Variants in ZFAT observed in about 807,000 individuals in gnomAD.
ZFAT encodes the protein zinc finger and AT-hook domain containing.
ZFAT carries 64 observed loss-of-function variants against 117.7 expected under a neutral mutation model. That is an observed-to-expected ratio of 0.54 (90% CI 0.44 to 0.67). The LOEUF (loss-of-function observed/expected upper bound fraction) is 0.67, where lower values mean the gene tolerates loss of function less well. ZFAT is among the 30% of genes least tolerant of loss of function. ZFAT has a pLI of 0.00. For synonymous variants in ZFAT, 679 were observed against 615.0 expected (o/e 1.10, Z -1.54); for missense variants, 1,433 against 1,584.5 (o/e 0.90, Z 1.62).
At chr8:134,672,103 G>C (rs145019183) in intron 1 of ZFAT, among the ~76,000 whole-genome samples, 7 of 143,048 alleles carry the variant, frequency 4.9e-5, no homozygotes, top group African/African-American at 1.0e-4. Context: ...GGAAATAAAA[G>C]AGGATACAAA....
rs140529499 is a variant in ZFAT, at chr8:134,611,118, C to T, written c.449-463G>A. ...CAGACCCTGCTCTTGAGGGCCCCACCGTGCAGGGGGAGAGGCAGACATGCA... is the reference window on the plus strand; with the variant it reads ...CAGACCCTGCTCTTGAGGGCCCCACTGTGCAGGGGGAGAGGCAGACATGCA... On this transcript the variant is annotated intron_variant, in intron 3 of 15. Coordinates refer to ENST00000377838, the MANE Select transcript of ZFAT (RefSeq NM_020863.4). Among the ~76,000 whole-genome samples, 713 of 152,336 alleles carry T rather than the reference C, an allele frequency of 4.7e-3. 4 individuals are homozygous for T. The highest frequency in any genetic ancestry group is 0.016 in the African/African-American group (655 of 41,588).
chr8:134,823,373 A>G, the ZFAT span, among the ~76,000 whole-genome samples: 2 of 152,242 alleles, frequency 1.3e-5, no homozygotes, highest in Admixed American at 6.5e-5. Context: ...TTGATTTAAG[A>G]AGCCACTTCA....
chr8:134,584,043 C>T (rs1351247758), intron 9 of ZFAT, 38 bp from the exon 10 acceptor site: 2 of 1,534,992 alleles, frequency 1.3e-6, no homozygotes, highest in Non-Finnish European at 1.8e-6. Flanking sequence ...TATATATTTA[C>T]ATACGTTTAT....
At chr8:134,732,662 A>C in the ZFAT span, among the ~76,000 whole-genome samples, 1 of 152,268 alleles carries the variant, frequency 6.6e-6, no homozygotes, top group African/African-American at 2.4e-5. Context: ...GTTAAAAATT[A>C]GGAGCGTTTC....
intron 5 of ZFAT, among the ~76,000 whole-genome samples, chr8:134,608,241 A>G (rs921402043): frequency 1.3e-5 from 2 of 152,232 alleles, no homozygotes; most frequent in African/African-American, 4.8e-5. Flanking sequence ...AAAAACTTGT[A>G]GAAGCACATG....
chr8:134,770,176 C>T, the ZFAT span, among the ~76,000 whole-genome samples: 20 of 152,294 alleles, frequency 1.3e-4, no homozygotes, highest in East Asian at 3.1e-3. Context: ...AATTTCTCCT[C>T]AGAAAATGGG....
At chr8:134,775,138 A>G in the ZFAT span, among the ~76,000 whole-genome samples, 1 of 152,126 alleles carries the variant, frequency 6.6e-6, no homozygotes, top group Non-Finnish European at 1.5e-5. Context: ...CAAACAAACA[A>G]AAACAACAGA....
At chr8:134,660,943 A>G (rs1320992328) in intron 1 of ZFAT, among the ~76,000 whole-genome samples, 1 of 152,274 alleles carries the variant, frequency 6.6e-6, no homozygotes, top group Non-Finnish European at 1.5e-5. Context: ...ATGAATTTGC[A>G]TTAACACATG....
At chr8:134,621,093 CAG>C (rs1829077494) in intron 3 of ZFAT, among the ~76,000 whole-genome samples, 1 of 151,222 alleles carries the variant, frequency 6.6e-6, no homozygotes, top group Admixed American at 6.6e-5. Context: ...CAAGAGAAAA[CAG>C]AATGTAATTT....
At chr8:134,724,387 G>A in the ZFAT span, among the ~76,000 whole-genome samples, 4 of 152,192 alleles carry the variant, frequency 2.6e-5, no homozygotes, top group Non-Finnish European at 4.4e-5. Context: ...AAGAACGCAT[G>A]CCCCTGATGT....
chr8:134,752,020 T>C, the ZFAT span, among the ~76,000 whole-genome samples: 1 of 152,188 alleles, frequency 6.6e-6, no homozygotes, highest in Non-Finnish European at 1.5e-5. Context: ...ATTTCTTTTT[T>C]TCTCTTCACT....
chr8:134,807,032 A>T, the ZFAT span, among the ~76,000 whole-genome samples: 1 of 152,218 alleles, frequency 6.6e-6, no homozygotes, highest in Non-Finnish European at 1.5e-5. Context: ...TACTTTTAAC[A>T]CATTTTTATA....
the ZFAT span, chr8:134,783,824 G>A: frequency 6.6e-6 from 1 of 152,208 alleles, no homozygotes; most frequent in East Asian, 1.9e-4. Context: ...GGAGATGCAT[G>A]CACAGCACTT....
At chr8:134,674,490 G>A (rs1016575512) in intron 1 of ZFAT, among the ~76,000 whole-genome samples, 2 of 152,234 alleles carry the variant, frequency 1.3e-5, no homozygotes, top group East Asian at 1.9e-4. Context: ...CAGGAAGTTC[G>A]AACTGCATGG....
intron 1 of ZFAT, among the ~76,000 whole-genome samples, chr8:134,670,789 C>G (rs1832522405): frequency 6.6e-6 from 1 of 152,152 alleles, no homozygotes. Context: ...ACAAAAAAAC[C>G]TTCAAAAACT....
At chr8:134,816,441 G>A in the ZFAT span, among the ~76,000 whole-genome samples, 1 of 150,292 alleles carries the variant, frequency 6.7e-6, no homozygotes, top group African/African-American at 2.5e-5. Context: ...CAAGACTCTT[G>A]AAATGAAATT....
intron 1 of ZFAT, among the ~76,000 whole-genome samples, chr8:134,707,512 G>A (rs892782292): frequency 1.3e-5 from 2 of 152,152 alleles, no homozygotes; most frequent in African/African-American, 4.8e-5. Flanking sequence ...CACCAGCAGG[G>A]ACACAAGGAG....
At chr8:134,559,292 A>C (rs1176967277) in intron 11 of ZFAT, among the ~76,000 whole-genome samples, 1 of 152,218 alleles carries the variant, frequency 6.6e-6, no homozygotes, top group African/African-American at 2.4e-5. Context: ...GAAAGCAAAC[A>C]TAAGTAAATA....
chr8:134,513,199 T>TTC (rs1819987317), intron 13 of ZFAT, among the ~76,000 whole-genome samples: 1 of 95,102 alleles, frequency 1.1e-5, no homozygotes, highest in Non-Finnish European at 2.5e-5. Context: ...TATTTGTGCT[T>TTC]TTTTTTTTTT....
Sources: gnomAD v4.1 joint callset for allele counts (sites outside exome capture counted in the v4.1 genomes callset) on GRCh38, gnomAD v4.1.1 for gene constraint, MANE v1.5 for transcripts, NCBI Gene and HGNC (gene_info 2026-07-23, HGNC 2026-07-21) for gene names.